LCORL: variants seen among roughly 807,000 people sequenced by gnomAD.
The protein encoded by LCORL is ligand-dependent nuclear receptor corepressor-like protein.
Under a neutral mutation model 141.8 loss-of-function variants are expected in LCORL, and 41 were observed. The observed-to-expected ratio is 0.29, with a 90% CI of 0.23 to 0.38. The LOEUF is 0.38. Among genes scored for constraint, LCORL ranks in the 10% least tolerant of loss-of-function variants. LCORL has a pLI of 1.00. For missense variants in LCORL, 1,759 were observed against 2,035.0 expected, an observed-to-expected ratio of 0.86 and a Z score of 2.61; for synonymous variants, 618 against 694.1, an observed-to-expected ratio of 0.89 and a Z score of 1.72.
chr4:17,979,867 T>G (rs1343505885), intron 1 of LCORL, among the ~76,000 whole-genome samples: 5 of 152,102 alleles, frequency 3.3e-5, no homozygotes, highest in Non-Finnish European at 5.9e-5. Flanking sequence ...GGATTCTACA[T>G]AATCACAAGG....
At chr4:17,862,081 T>C (rs1560262597) in intron 7 of LCORL, among the ~76,000 whole-genome samples, 2 of 152,220 alleles carry the variant, frequency 1.3e-5, no homozygotes, top group East Asian at 1.9e-4. Flanking sequence ...CCAAGGTTGC[T>C]TCCAGATTTT....
chr4:17,963,443 T>C (rs1324689065), intron 2 of LCORL, among the ~76,000 whole-genome samples: 1 of 151,650 alleles, frequency 6.6e-6, no homozygotes, highest in Admixed American at 6.6e-5. Context: ...AAAGACAACA[T>C]AAAATAGAGA....
intron 1 of LCORL, among the ~76,000 whole-genome samples, chr4:17,974,121 C>G (rs922425182): frequency 1.3e-4 from 20 of 152,010 alleles, no homozygotes; most frequent in African/African-American, 4.6e-4. Context: ...AAGGGTTATT[C>G]TATTTTAGAG....
intron 5 of LCORL, among the ~76,000 whole-genome samples, chr4:17,897,489 T>A (rs900755693): frequency 3.2e-4 from 49 of 152,136 alleles, no homozygotes; most frequent in Non-Finnish European, 6.3e-4. Flanking sequence ...TTAAATGATT[T>A]GGTTGTCCTG....
chr4:17,900,866 T>C lies in LCORL; in HGVS notation c.682+8228A>G, dbSNP rs185340862. Among the ~76,000 whole-genome samples the C allele has an allele frequency of 7.5e-4, 114 of 152,256 alleles. 1 individual carries two copies. Among genetic ancestry groups the C allele is most frequent in the Non-Finnish European group, 2.9e-5 (2 of 68,014 alleles). On this transcript the variant is annotated intron_variant, in intron 5 of 7. Coordinates refer to ENST00000635767, the Ensembl canonical transcript of LCORL. ...GAGAGTAAAAATATATTTGAACAGA[T>C]AATGGCTGAAAAATGTCCACAATTG...
intron 7 of LCORL, chr4:17,867,030 A>T: frequency 1.0e-6 from 1 of 978,284 alleles, no homozygotes; most frequent in Non-Finnish European, 1.2e-6. Flanking sequence ...TGGAGGCTGC[A>T]GGGAGAGAAT....
intron 4 of LCORL, among the ~76,000 whole-genome samples, chr4:17,957,757 G>A (rs1346999783): frequency 3.3e-5 from 5 of 152,064 alleles, no homozygotes; most frequent in African/African-American, 1.2e-4. Context: ...ACCTCTAAAT[G>A]CAGCTCATAA....
chr4:17,845,876 T>A (rs759983857), exon 8 of LCORL: 5 of 1,610,924 alleles, frequency 3.1e-6, no homozygotes, highest in Non-Finnish European at 4.2e-6. Context: ...ACATTCAGTT[T>A]CTCATCAGTT....
chr4:17,880,210 T>A (rs16895955), intron 6 of LCORL: 8,619 of 153,050 alleles, frequency 0.056, 428 homozygotes, highest in African/African-American at 0.13. Flanking sequence ...TATCAGAAAC[T>A]AAGATCTCAA....
Position 17,884,787 on chromosome 4 carries a change from G to T in LCORL, c.776+1281C>A. ...TGGAATGAAACGATGGTAAACTGATGCATGAGAGACTCTCACACAGCTATG... is the reference window on the plus strand; with the variant it reads ...TGGAATGAAACGATGGTAAACTGATTCATGAGAGACTCTCACACAGCTATG... On this transcript the variant is annotated intron_variant, in intron 6 of 7. Coordinates refer to ENST00000635767, the Ensembl canonical transcript of LCORL. The surrounding 1 kb of genome is among the most constrained non-coding windows in gnomAD (Gnocchi z 4.4). 1 of 1,200,972 alleles carries T rather than the reference G, an allele frequency of 8.3e-7. No individual in the cohort carries two copies. Among genetic ancestry groups the T allele is most frequent in the Non-Finnish European group, 1.1e-6 (1 of 882,160 alleles). 74.4% of individuals were successfully genotyped at this position (1,200,972 alleles called of 1,614,324 possible).
chr4:17,985,194 C>A (rs970525151), intron 1 of LCORL, among the ~76,000 whole-genome samples: 3 of 151,898 alleles, frequency 2.0e-5, no homozygotes, highest in African/African-American at 7.3e-5. Flanking sequence ...ATTGTGCAGT[C>A]AGTTTTAGAG....
intron 4 of LCORL, among the ~76,000 whole-genome samples, chr4:17,933,523 A>G (rs956650433): frequency 6.6e-6 from 1 of 152,046 alleles, no homozygotes; most frequent in Admixed American, 6.6e-5. Context: ...AAGTTTAGTC[A>G]ATTCTCCATT....
chr4:17,992,463 C>A (rs1414282646), intron 1 of LCORL, among the ~76,000 whole-genome samples: 1 of 152,182 alleles, frequency 6.6e-6, no homozygotes, highest in African/African-American at 2.4e-5. Flanking sequence ...TTAAACTGAT[C>A]TGATGGCTAC....
chr4:17,994,155 T>C (rs1720518975), intron 1 of LCORL, among the ~76,000 whole-genome samples: 1 of 152,344 alleles, frequency 6.6e-6, no homozygotes, highest in South Asian at 2.1e-4. Context: ...TCTAATTTCC[T>C]AATTAAATTA....
At chr4:17,950,153 C>T (rs1230475554) in intron 4 of LCORL, among the ~76,000 whole-genome samples, 1 of 151,946 alleles carries the variant, frequency 6.6e-6, no homozygotes, top group Non-Finnish European at 1.5e-5. Flanking sequence ...AACTCAAGAG[C>T]CCTTAAAGTA....
intron 1 of LCORL, among the ~76,000 whole-genome samples, chr4:18,014,727 C>A (rs980881799): frequency 2.0e-5 from 3 of 152,114 alleles, no homozygotes; most frequent in African/African-American, 7.2e-5. Flanking sequence ...TAATTAAGAA[C>A]AAAGTGGTAT....
intron 1 of LCORL, among the ~76,000 whole-genome samples, chr4:17,990,070 C>T (rs1454460281): frequency 1.3e-5 from 2 of 150,414 alleles, no homozygotes; most frequent in African/African-American, 4.9e-5. Context: ...CTTCTACCAC[C>T]AGCAGAAAAA....
intron 4 of LCORL, among the ~76,000 whole-genome samples, chr4:17,940,264 G>C (rs1387656043): frequency 2.7e-5 from 4 of 147,914 alleles, no homozygotes; most frequent in African/African-American, 4.9e-5. Flanking sequence ...TGACATTCTA[G>C]GGACAGTATA....
intron 4 of LCORL, among the ~76,000 whole-genome samples, chr4:17,953,014 G>A (rs1711765775): frequency 1.3e-5 from 2 of 151,048 alleles, no homozygotes; most frequent in African/African-American, 4.9e-5. Context: ...TCCTGTTCCT[G>A]CGTTAGTTTA....
Sources: gnomAD v4.1 joint callset for allele counts (sites outside exome capture counted in the v4.1 genomes callset) on GRCh38, gnomAD v4.1.1 for gene constraint, Gnocchi (gnomAD v3.1) non-coding constraint, MANE v1.5 for transcripts, NCBI Gene and HGNC (gene_info 2026-07-23, HGNC 2026-07-21) for gene names.